SGCZ: variants seen among roughly 807,000 people sequenced by gnomAD.
SGCZ encodes the protein zeta-sarcoglycan.
A neutral mutation model predicts 41.3 loss-of-function variants in SGCZ; 40 were observed. That is an observed-to-expected ratio of 0.97 (90% CI 0.75 to 1.26). The LOEUF (loss-of-function observed/expected upper bound fraction) is 1.26. Among genes scored for constraint, SGCZ ranks in the 50% most tolerant of loss-of-function variants. The pLI, the probability that SGCZ is intolerant of heterozygous loss-of-function variation, is 0.00. For missense variants in SGCZ, 552 were observed against 369.8 expected, an observed-to-expected ratio of 1.49 and a Z score of -4.04; for synonymous variants, 206 against 137.5, an observed-to-expected ratio of 1.50 and a Z score of -3.49.
chr8:14,476,687 C>T (rs997231417), intron 2 of SGCZ, among the ~76,000 whole-genome samples: 1 of 152,120 alleles, frequency 6.6e-6, no homozygotes, highest in African/African-American at 2.4e-5. Flanking sequence ...TATGCTAATA[C>T]ACTGATTCTT....
At chr8:15,071,658 C>T (rs1420605027) in intron 1 of SGCZ, among the ~76,000 whole-genome samples, 1 of 152,184 alleles carries the variant, frequency 6.6e-6, no homozygotes, top group Non-Finnish European at 1.5e-5. Context: ...ATATAGACAA[C>T]TTCTGAAATG....
chr8:15,104,518 TTC>T (rs751357316), intron 1 of SGCZ, among the ~76,000 whole-genome samples: 4 of 152,214 alleles, frequency 2.6e-5, no homozygotes, highest in Non-Finnish European at 5.9e-5. Flanking sequence ...AAAAGTAAAA[TTC>T]TCTTTCTTGC....
chr8:14,214,424 T>G (rs1805921737), intron 4 of SGCZ, among the ~76,000 whole-genome samples: 1 of 152,114 alleles, frequency 6.6e-6, no homozygotes, highest in African/African-American at 2.4e-5. Context: ...TATACTATGA[T>G]CTTAAGCTAA....
chr8:14,196,022 A>G (rs1384264644), intron 4 of SGCZ, among the ~76,000 whole-genome samples: 1 of 152,102 alleles, frequency 6.6e-6, no homozygotes, highest in Non-Finnish European at 1.5e-5. Context: ...TCTATTTAAA[A>G]ATGACAGTTT....
At chr8:14,177,498 T>G (rs1256766454) in intron 4 of SGCZ, among the ~76,000 whole-genome samples, 3 of 151,032 alleles carry the variant, frequency 2.0e-5, no homozygotes, top group African/African-American at 7.3e-5. Flanking sequence ...CTGTTTCCTT[T>G]TTTGTTTGTT....
chr8:15,179,977 G>C (rs1187186128), intron 1 of SGCZ, among the ~76,000 whole-genome samples: 1 of 152,112 alleles, frequency 6.6e-6, no homozygotes, highest in Admixed American at 6.6e-5. Flanking sequence ...TGAAATTTAG[G>C]TCAAAATGTC....
chr8:14,086,520 A>G lies in SGCZ; in HGVS notation c.*3923T>C, dbSNP rs1801527169. ...AATTAACCTCTGTGATCACATTATC[A>G]TTTCTTCAAAAGATCACTGCTTTTT... On this transcript the variant is annotated 3_prime_UTR_variant, in exon 8 of 8. Transcript: ENST00000382080. Among the ~76,000 whole-genome samples, 2 of 151,766 alleles carry G rather than the reference A, an allele frequency of 1.3e-5. No homozygotes were observed. The highest frequency in any genetic ancestry group is 1.3e-4 in the Admixed American group (2 of 15,188).
intron 1 of SGCZ, among the ~76,000 whole-genome samples, chr8:15,051,577 A>C (rs1231245268): frequency 6.6e-6 from 1 of 152,084 alleles, no homozygotes; most frequent in Non-Finnish European, 1.5e-5. Flanking sequence ...AAGCTTTAGG[A>C]GATACTGACA....
intron 3 of SGCZ, among the ~76,000 whole-genome samples, chr8:14,275,489 T>C (rs948859942): frequency 2.0e-5 from 3 of 152,132 alleles, no homozygotes; most frequent in African/African-American, 4.8e-5. Context: ...AAGGGAGGCA[T>C]ATTCCCTTTC....
chr8:14,344,980 T>A (rs937329812), intron 2 of SGCZ, among the ~76,000 whole-genome samples: 9 of 152,060 alleles, frequency 5.9e-5, no homozygotes, highest in Non-Finnish European at 1.3e-4. Context: ...CTTGTAGGCA[T>A]ACACACTGGC....
intron 1 of SGCZ, among the ~76,000 whole-genome samples, chr8:15,169,175 GC>G (rs1407153469): frequency 6.6e-6 from 1 of 152,088 alleles, no homozygotes; most frequent in African/African-American, 2.4e-5. Context: ...CCAAAACAGC[GC>G]CCCCTGTCAG....
At chr8:15,071,278 GTGTT>G (rs1214754080) in intron 1 of SGCZ, among the ~76,000 whole-genome samples, 1 of 152,164 alleles carries the variant, frequency 6.6e-6, no homozygotes, top group Non-Finnish European at 1.5e-5. Context: ...AAAAGACTGT[GTGTT>G]TGTTGTTTAA....
chr8:14,617,631 G>T (rs563750317), intron 1 of SGCZ, among the ~76,000 whole-genome samples: 3 of 152,262 alleles, frequency 2.0e-5, no homozygotes, highest in East Asian at 3.9e-4. Flanking sequence ...AACTAAATGT[G>T]GAGTGGTAAT....
intron 2 of SGCZ, among the ~76,000 whole-genome samples, chr8:14,434,069 G>T (rs771860175): frequency 2.0e-5 from 3 of 152,072 alleles, no homozygotes; most frequent in African/African-American, 4.8e-5. Context: ...GGGTTTTTCC[G>T]ATGTTATGTT....
chr8:15,198,598 C>A (rs1326151408), intron 1 of SGCZ, among the ~76,000 whole-genome samples: 1 of 152,164 alleles, frequency 6.6e-6, no homozygotes, highest in African/African-American at 2.4e-5. Flanking sequence ...CAAGTAGCTA[C>A]AACTCTAAGA....
chr8:14,521,177 A>T (rs79547301), intron 2 of SGCZ, among the ~76,000 whole-genome samples: 2 of 152,122 alleles, frequency 1.3e-5, no homozygotes, highest in Admixed American at 6.6e-5. Flanking sequence ...GATCCCTCAC[A>T]TTGCCCTTTG....
At chr8:14,880,577 G>C (rs1184033925) in intron 1 of SGCZ, among the ~76,000 whole-genome samples, 1 of 152,168 alleles carries the variant, frequency 6.6e-6, no homozygotes, top group East Asian at 1.9e-4. Context: ...TGATAGACTG[G>C]ATTAAGAAAA....
intron 1 of SGCZ, among the ~76,000 whole-genome samples, chr8:15,209,797 A>C (rs1801183570): frequency 6.6e-6 from 1 of 152,002 alleles, no homozygotes; most frequent in Admixed American, 6.6e-5. Flanking sequence ...AACTTTTTTT[A>C]TACTCTAGCG....
chr8:14,598,555 G>T (rs1299525963), intron 1 of SGCZ, among the ~76,000 whole-genome samples: 1 of 151,308 alleles, frequency 6.6e-6, no homozygotes, highest in East Asian at 1.9e-4. Context: ...CTAGACAGGG[G>T]TCCACTCTGT....
Sources: allele counts gnomAD v4.1 joint callset (sites outside exome capture counted in the v4.1 genomes callset), GRCh38; gene constraint gnomAD v4.1.1; transcripts MANE v1.5; gene names NCBI Gene and HGNC (gene_info 2026-07-23, HGNC 2026-07-21).